Variants in CNNM2 observed in about 807,000 individuals in gnomAD.
The protein encoded by CNNM2 is cyclin and CBS domain divalent metal cation transport mediator 2, also known as metal transporter CNNM2.
In CNNM2, 12 loss-of-function variants were observed where a neutral mutation model predicts 66.9. That is an observed-to-expected ratio of 0.18 (90% CI 0.11 to 0.29). CNNM2 has a LOEUF of 0.29. CNNM2 is among the 10% of genes least tolerant of loss of function. The probability of loss-of-function intolerance (pLI) is 1.00; values close to 1 mark genes in which losing one functional copy is unlikely to be tolerated. For synonymous variants in CNNM2, 557 were observed against 501.8 expected, an observed-to-expected ratio of 1.11 and a Z score of -1.47; for missense variants, 705 against 1,167.7, an observed-to-expected ratio of 0.60 and a Z score of 5.77.
intron 1 of CNNM2, among the ~76,000 whole-genome samples, chr10:102,979,222 C>A (rs1002674660): frequency 6.6e-6 from 1 of 152,018 alleles, no homozygotes; most frequent in Non-Finnish European, 1.5e-5. Context: ...ATGGTTGTAC[C>A]CCAGCGAGTG....
chr10:103,045,436 A>G (rs1452602033), intron 1 of CNNM2, among the ~76,000 whole-genome samples: 2 of 152,196 alleles, frequency 1.3e-5, no homozygotes, highest in Non-Finnish European at 2.9e-5. Context: ...GAAAGGGCCA[A>G]CAGATCTGCA....
At chr10:102,975,959 T>G (rs1335376999) in intron 1 of CNNM2, among the ~76,000 whole-genome samples, 2 of 152,214 alleles carry the variant, frequency 1.3e-5, no homozygotes, top group Non-Finnish European at 2.9e-5. Context: ...CACTACGGCT[T>G]GCTTTCAGTC....
At chr10:103,028,761 C>T (rs529047543) in intron 1 of CNNM2, among the ~76,000 whole-genome samples, 9 of 151,864 alleles carry the variant, frequency 5.9e-5, no homozygotes, top group East Asian at 1.9e-4. Flanking sequence ...ATACCATTTC[C>T]GCCATAATCT....
chr10:103,001,008 A>G (rs2064109559), intron 1 of CNNM2, among the ~76,000 whole-genome samples: 1 of 152,224 alleles, frequency 6.6e-6, no homozygotes, highest in Admixed American at 6.5e-5. Flanking sequence ...CTGTTTTAGG[A>G]AGGAAGAAAT....
At chr10:102,972,230 G>A (rs2063556390) in intron 1 of CNNM2, among the ~76,000 whole-genome samples, 1 of 152,094 alleles carries the variant, frequency 6.6e-6, no homozygotes, top group African/African-American at 2.4e-5. Context: ...AATAATTTAG[G>A]GGAATTTTTT....
intron 1 of CNNM2, among the ~76,000 whole-genome samples, chr10:102,982,336 A>AG (rs1159203766): frequency 1.3e-5 from 2 of 152,208 alleles, no homozygotes; most frequent in East Asian, 3.8e-4. Context: ...AGTCCAGCAT[A>AG]GGGTTAGCCT....
chr10:103,054,529 A>G lies in CNNM2; in HGVS notation c.1903+63A>G. ...CCCTGAAGCGTGTTTCTCACCCACCACTGACTGGGGTGGGTTGGGGGTGGA... is the reference window on the plus strand; with the variant it reads ...CCCTGAAGCGTGTTTCTCACCCACCGCTGACTGGGGTGGGTTGGGGGTGGA... On this transcript the variant is annotated intron_variant, in intron 3 of 7. Coordinates refer to ENST00000369878, the MANE Select transcript of CNNM2 (RefSeq NM_017649.5). This position sits in a 1 kb window ranked among gnomAD's most constrained non-coding sequence, Gnocchi z 5.2. The G allele has an allele frequency of 6.5e-7, 1 of 1,538,896 alleles. No individual in the cohort carries two copies. Among genetic ancestry groups the G allele is most frequent in the Non-Finnish European group, 8.9e-7 (1 of 1,122,732 alleles).
At chr10:102,945,391 C>G (rs1482204129) in intron 1 of CNNM2, among the ~76,000 whole-genome samples, 2 of 152,082 alleles carry the variant, frequency 1.3e-5, no homozygotes. Flanking sequence ...TTAGTGACCC[C>G]TAACCAATAA....
At chr10:102,951,963 C>A (rs1846852886) in intron 1 of CNNM2, among the ~76,000 whole-genome samples, 1 of 152,076 alleles carries the variant, frequency 6.6e-6, no homozygotes, top group Non-Finnish European at 1.5e-5. Context: ...GCCACCACAC[C>A]CGGCTAATTT....
intron 1 of CNNM2, among the ~76,000 whole-genome samples, chr10:103,006,354 C>G (rs1008504174): frequency 6.6e-6 from 1 of 151,548 alleles, no homozygotes; most frequent in Non-Finnish European, 1.5e-5. Flanking sequence ...TTATAGGCAC[C>G]TGCTGCCACG....
chr10:102,921,418 A>AT (rs1376598516), intron 1 of CNNM2, among the ~76,000 whole-genome samples: 1 of 152,064 alleles, frequency 6.6e-6, no homozygotes, highest in Admixed American at 6.6e-5. Flanking sequence ...TCCTAATGCC[A>AT]TTTTTCTGGT....
At chr10:103,047,866 G>A (rs1193018412) in intron 1 of CNNM2, among the ~76,000 whole-genome samples, 1 of 152,128 alleles carries the variant, frequency 6.6e-6, no homozygotes, top group Non-Finnish European at 1.5e-5. Context: ...GTCTTTAATT[G>A]TTGAGAAGCT....
intron 2 of CNNM2, among the ~76,000 whole-genome samples, chr10:103,051,702 T>C (rs999725035): frequency 2.0e-5 from 3 of 152,068 alleles, no homozygotes; most frequent in African/African-American, 7.2e-5. Context: ...ATTACACCAC[T>C]GCACTCCAGC....
At chr10:102,976,613 T>TTTTTTTTTTTTTTG in intron 1 of CNNM2, among the ~76,000 whole-genome samples, 1 of 69,738 alleles carries the variant, frequency 1.4e-5, no homozygotes, top group African/African-American at 5.6e-5. Context: ...CCCAGGTAAT[T>TTTTTTTTTTTTTTG]TTTTTTTTTT....
chr10:102,981,589 C>T (rs886805044), intron 1 of CNNM2, among the ~76,000 whole-genome samples: 4 of 151,422 alleles, frequency 2.6e-5, no homozygotes, highest in East Asian at 2.0e-4. Context: ...AGTCAAGGTT[C>T]GCCATGTTGC....
At chr10:102,984,391 T>A (rs1220142658) in intron 1 of CNNM2, among the ~76,000 whole-genome samples, 1 of 152,174 alleles carries the variant, frequency 6.6e-6, no homozygotes, top group African/African-American at 2.4e-5. Context: ...GTAAGATGGC[T>A]TTAGGAAGTG....
At chr10:103,045,930 C>G (rs1199471923) in intron 1 of CNNM2, among the ~76,000 whole-genome samples, 1 of 152,202 alleles carries the variant, frequency 6.6e-6, no homozygotes, top group African/African-American at 2.4e-5. Flanking sequence ...CAGGCGTGAG[C>G]CATTGTGCCC....
At chr10:103,032,855 C>T (rs796918777) in intron 1 of CNNM2, among the ~76,000 whole-genome samples, 13 of 151,414 alleles carry the variant, frequency 8.6e-5, no homozygotes, top group African/African-American at 3.1e-4. Flanking sequence ...TGGTGGCTCA[C>T]GTCTGTAATC....
rs113443995 is a variant in CNNM2, at chr10:102,983,772, A to AT, written c.1621+63684dup. Among the ~76,000 whole-genome samples the AT allele has an allele frequency of 6.0e-3, 881 of 145,754 alleles. 4 individuals are homozygous for AT. The highest frequency in any genetic ancestry group is 0.033 in the East Asian group (160 of 4,898). ...ATTTTACATAGCACTTAAATTGTAA[A>AT]TTTTTTTTTTTTTGACAGAGTCTTG... On this transcript the variant is annotated intron_variant, in intron 1 of 7. Transcript: ENST00000369878.
Sources: allele counts gnomAD v4.1 joint callset (sites outside exome capture counted in the v4.1 genomes callset), GRCh38; gene constraint gnomAD v4.1.1; non-coding constraint Gnocchi (gnomAD v3.1); transcripts MANE v1.5; gene names NCBI Gene and HGNC (gene_info 2026-07-23, HGNC 2026-07-21).